The following CNBD1 variants were observed in gnomAD, a reference collection of about 807,000 sequenced individuals.
The protein encoded by CNBD1 is cyclic nucleotide binding domain containing 1, also known as cyclic nucleotide-binding domain-containing protein 1.
Under a neutral mutation model 54.4 loss-of-function variants are expected in CNBD1, and 71 were observed. That is an observed-to-expected ratio of 1.30 (90% CI 1.08 to 1.59). The LOEUF is 1.59. Among genes scored for constraint, CNBD1 ranks in the 40% most tolerant of loss-of-function variants. CNBD1 has a pLI of 0.00. For synonymous variants in CNBD1, 182 were observed against 170.7 expected, an observed-to-expected ratio of 1.07 and a Z score of -0.51; for missense variants, 659 against 518.0, an observed-to-expected ratio of 1.27 and a Z score of -2.64.
chr8:87,042,255 A>G (rs1283510128), intron 4 of CNBD1, among the ~76,000 whole-genome samples: 2 of 152,166 alleles, frequency 1.3e-5, no homozygotes, highest in African/African-American at 2.4e-5. Flanking sequence ...CCCAGTGGAG[A>G]AATTGCTTTG....
intron 4 of CNBD1, among the ~76,000 whole-genome samples, chr8:86,987,359 G>A (rs1808632222): frequency 6.6e-6 from 1 of 152,096 alleles, no homozygotes; most frequent in Admixed American, 6.6e-5. Context: ...GACTGATTTT[G>A]TATCCTGAGA....
At chr8:86,994,269 T>A (rs1354203136) in intron 4 of CNBD1, among the ~76,000 whole-genome samples, 1 of 152,202 alleles carries the variant, frequency 6.6e-6, no homozygotes, top group East Asian at 1.9e-4. Flanking sequence ...ACTAGGTCAC[T>A]GGGAAACTAC....
intron 2 of CNBD1, among the ~76,000 whole-genome samples, chr8:86,892,909 G>T (rs1678793302): frequency 6.6e-6 from 1 of 152,196 alleles, no homozygotes; most frequent in East Asian, 1.9e-4. Flanking sequence ...AAGAAATAAA[G>T]AAATGAAGAG....
chr8:87,132,128 A>AT (rs1269451796), intron 4 of CNBD1, among the ~76,000 whole-genome samples: 2 of 151,670 alleles, frequency 1.3e-5, no homozygotes, highest in African/African-American at 2.4e-5. Context: ...TTTTTATGCC[A>AT]TTTTTTCAAC....
At chr8:87,373,285 G>T (rs568347329) in intron 10 of CNBD1, among the ~76,000 whole-genome samples, 1 of 151,604 alleles carries the variant, frequency 6.6e-6, no homozygotes, top group Non-Finnish European at 1.5e-5. Context: ...CTAATATAGC[G>T]GTATTAGTTT....
intron 4 of CNBD1, among the ~76,000 whole-genome samples, chr8:87,098,444 T>C (rs975585969): frequency 6.6e-6 from 1 of 151,742 alleles, no homozygotes; most frequent in African/African-American, 2.4e-5. Flanking sequence ...TGATGTGTAG[T>C]ATGAGGTGTC....
intron 10 of CNBD1, among the ~76,000 whole-genome samples, chr8:87,358,565 C>CA (rs10668828): frequency 0.035 from 5,268 of 151,252 alleles, 286 homozygotes; most frequent in African/African-American, 0.12. Flanking sequence ...CAAAGTTCTT[C>CA]AAAAAAAACA....
At chr8:87,275,205 T>C (rs1563534031) in intron 6 of CNBD1, among the ~76,000 whole-genome samples, 1 of 141,794 alleles carries the variant, frequency 7.1e-6, no homozygotes, top group Non-Finnish European at 1.5e-5. Flanking sequence ...AGTCTGGTAG[T>C]GTGATGCCTC....
intron 3 of CNBD1, among the ~76,000 whole-genome samples, 164 bp downstream of exon 3, chr8:86,905,358 T>C (rs543907567): frequency 6.6e-6 from 1 of 152,248 alleles, no homozygotes; most frequent in East Asian, 1.9e-4. Flanking sequence ...TTGGTAAGGG[T>C]AAATTCAATT....
At chr8:87,351,968 A>G (rs573298387) in intron 9 of CNBD1, among the ~76,000 whole-genome samples, 174 bp downstream of exon 9, 6 of 152,168 alleles carry the variant, frequency 3.9e-5, no homozygotes, top group Non-Finnish European at 5.9e-5. Context: ...TAAGAATATA[A>G]GTTGTAAGAT....
rs117054878 is a variant in CNBD1, at chr8:86,910,391, C to T, written c.272+5197C>T. ...AACTTTGAACTTGTAACACCTGTAA[C>T]ACTGGAGAGAAAAAGGAATTTTTTT... On this transcript the variant is annotated intron_variant, in intron 3 of 10. Transcript: ENST00000518476. 5.9e-3 allele frequency among the ~76,000 whole-genome samples: 892 copies of T among 152,166 alleles called. 11 individuals are homozygous for T. The highest frequency in any genetic ancestry group is 0.046 in the South Asian group (222 of 4,816).
chr8:86,974,433 C>T (rs1808295524), intron 4 of CNBD1, among the ~76,000 whole-genome samples: 1 of 152,014 alleles, frequency 6.6e-6, no homozygotes, highest in Non-Finnish European at 1.5e-5. Flanking sequence ...CATATGTGTG[C>T]TATACAATAC....
At chr8:87,409,626 AT>A (rs1807706522) in intron 2 of CNBD1, among the ~76,000 whole-genome samples, 2 of 152,262 alleles carry the variant, frequency 1.3e-5, no homozygotes, top group South Asian at 4.1e-4. Flanking sequence ...GCTTCAAATA[AT>A]AGGCAGACTC....
intron 4 of CNBD1, among the ~76,000 whole-genome samples, chr8:87,200,965 A>G (rs1011495936): frequency 3.3e-5 from 5 of 152,182 alleles, no homozygotes; most frequent in Non-Finnish European, 5.9e-5. Context: ...CTACAAGCCA[A>G]TGTCCCTTAT....
chr8:87,130,482 A>C (rs577023099), intron 4 of CNBD1, among the ~76,000 whole-genome samples: 2 of 152,172 alleles, frequency 1.3e-5, no homozygotes, highest in African/African-American at 4.8e-5. Flanking sequence ...TTGTCTTTTA[A>C]AAATTCCTGA....
chr8:86,908,800 T>TTTTTTCTGAGTCC (rs1554629463), intron 3 of CNBD1, among the ~76,000 whole-genome samples: 1 of 135,776 alleles, frequency 7.4e-6, no homozygotes, highest in Non-Finnish European at 1.6e-5. Flanking sequence ...TTTTTTTTTT[T>TTTTTTCTGAGTCC]TGTGCTGAGG....
intron 6 of CNBD1, among the ~76,000 whole-genome samples, chr8:87,261,009 G>A (rs1046546711): frequency 6.6e-6 from 1 of 152,046 alleles, no homozygotes; most frequent in African/African-American, 2.4e-5. Context: ...AAATCCCTGT[G>A]AATTTTTTAA....
intron 4 of CNBD1, among the ~76,000 whole-genome samples, chr8:87,178,220 G>A (rs188419143): frequency 2.6e-5 from 4 of 152,254 alleles, no homozygotes; most frequent in Non-Finnish European, 4.4e-5. Context: ...AGGAAAATAC[G>A]TAATGTATTG....
intron 4 of CNBD1, among the ~76,000 whole-genome samples, chr8:87,036,963 C>T (rs1432923969): frequency 6.6e-6 from 1 of 152,160 alleles, no homozygotes; most frequent in Non-Finnish European, 1.5e-5. Flanking sequence ...ACCTTTTTGG[C>T]AAATGATGTC....
Sources: gnomAD v4.1 joint callset for allele counts (sites outside exome capture counted in the v4.1 genomes callset) on GRCh38, gnomAD v4.1.1 for gene constraint, MANE v1.5 for transcripts, NCBI Gene and HGNC (gene_info 2026-07-23, HGNC 2026-07-21) for gene names.